ADAMTSL1: variants seen among roughly 807,000 people sequenced by gnomAD.
ADAMTSL1 encodes the protein ADAMTS-like protein 1.
In ADAMTSL1, 126 loss-of-function variants were observed where a neutral mutation model predicts 201.8. The ratio of observed to expected loss-of-function variants is 0.62; its 90% CI spans 0.54 to 0.72. ADAMTSL1 has a LOEUF of 0.72. Among genes scored for constraint, ADAMTSL1 ranks in the 30% least tolerant of loss-of-function variants. ADAMTSL1 has a pLI of 0.00. For missense variants in ADAMTSL1, 2,679 were observed against 2,277.8 expected (o/e 1.18, Z -3.59); for synonymous variants, 1,121 against 903.4 (o/e 1.24, Z -4.32).
At chr9:18,661,418 C>CA (rs1254995500) in intron 8 of ADAMTSL1, among the ~76,000 whole-genome samples, 3 of 152,108 alleles carry the variant, frequency 2.0e-5, no homozygotes, top group Non-Finnish European at 4.4e-5. Flanking sequence ...TGAATTTGGG[C>CA]AAAAATAATG....
At chr9:18,683,231 T>TTG (rs1358876076) in intron 12 of ADAMTSL1, among the ~76,000 whole-genome samples, 2 of 6,634 alleles carry the variant, frequency 3.0e-4, no homozygotes, top group South Asian at 5.7e-3. Context: ...GTTTTTTTTG[T>TTG]TTTTTTTTTT....
At chr9:18,395,516 T>G (rs1478833133) in intron 2 of ADAMTSL1, among the ~76,000 whole-genome samples, 1 of 152,170 alleles carries the variant, frequency 6.6e-6, no homozygotes, top group Non-Finnish European at 1.5e-5. Context: ...GATTTGCACT[T>G]TGTATGACAT....
chr9:18,770,496 AT>A (rs951315268), intron 16 of ADAMTSL1, 105 bp from the exon 17 acceptor site: 90 of 1,172,110 alleles, frequency 7.7e-5, no homozygotes, highest in South Asian at 1.8e-4. Context: ...CTTCTTCTGG[AT>A]TTTTTTTTCT....
intron 1 of ADAMTSL1, among the ~76,000 whole-genome samples, chr9:18,131,303 T>A (rs774244731): frequency 1.3e-5 from 2 of 152,198 alleles, no homozygotes; most frequent in Admixed American, 1.3e-4. Context: ...GACCCAAAAT[T>A]ATACCAGTAT....
rs571760414 is a variant in ADAMTSL1, at chr9:18,330,541, T to C, written c.207+166560T>C. Among the ~76,000 whole-genome samples, 129 of 152,274 alleles carry C rather than the reference T, an allele frequency of 8.5e-4. 1 individual carries two copies. Among genetic ancestry groups the C allele is most frequent in the Middle Eastern group, 3.4e-3 (1 of 294 alleles). ...CGAGGCTGATGTTATCATTCCGAGA[T>C]GAATTCTGTTGGTTCATTTGTTGTA... On this transcript the variant is annotated intron_variant, in intron 2 of 29. Coordinates refer to the ADAMTSL1 transcript ENST00000680146.
chr9:18,880,171 C>T (rs1264561355), intron 23 of ADAMTSL1, among the ~76,000 whole-genome samples: 2 of 152,152 alleles, frequency 1.3e-5, no homozygotes, highest in African/African-American at 4.8e-5. Flanking sequence ...GTTTTGAACC[C>T]CTCAAAGTCA....
intron 4 of ADAMTSL1, among the ~76,000 whole-genome samples, chr9:18,614,581 T>G (rs1189352545): frequency 1.3e-5 from 2 of 152,136 alleles, no homozygotes; most frequent in African/African-American, 4.8e-5. Flanking sequence ...CAGGTTTCCC[T>G]CCTGTCTTTC....
intron 1 of ADAMTSL1, among the ~76,000 whole-genome samples, chr9:18,496,616 G>A (rs1470080732): frequency 1.3e-5 from 2 of 152,138 alleles, no homozygotes; most frequent in Non-Finnish European, 2.9e-5. Context: ...CCTATTATCA[G>A]TTATAATTTG....
chr9:18,129,697 T>C (rs1825870683), intron 1 of ADAMTSL1, among the ~76,000 whole-genome samples: 1 of 152,100 alleles, frequency 6.6e-6, no homozygotes, highest in African/African-American at 2.4e-5. Flanking sequence ...GAAAAACAAT[T>C]TTCCTTCATA....
chr9:18,478,634 T>C (rs1020946330), intron 1 of ADAMTSL1, among the ~76,000 whole-genome samples: 3 of 152,192 alleles, frequency 2.0e-5, no homozygotes, highest in African/African-American at 7.2e-5. Flanking sequence ...GTAAGTTTAA[T>C]TGTGCCCTCC....
intron 1 of ADAMTSL1, among the ~76,000 whole-genome samples, chr9:18,015,331 A>G (rs1586898306): frequency 6.6e-6 from 1 of 152,102 alleles, no homozygotes; most frequent in Admixed American, 6.6e-5. Flanking sequence ...GGGAATTTAC[A>G]TAAAGATGGT....
intron 2 of ADAMTSL1, among the ~76,000 whole-genome samples, chr9:18,276,131 T>G (rs1223863200): frequency 6.6e-6 from 1 of 151,236 alleles, no homozygotes; most frequent in East Asian, 1.9e-4. Context: ...ATTTGCCATT[T>G]GTATATTTTT....
At chr9:18,417,526 G>T (rs1158617757) in intron 2 of ADAMTSL1, among the ~76,000 whole-genome samples, 2 of 151,774 alleles carry the variant, frequency 1.3e-5, no homozygotes, top group East Asian at 1.9e-4. Context: ...AAAGAGAGAA[G>T]AATTAAATTA....
At chr9:18,767,606 C>T (rs1214642460) in intron 16 of ADAMTSL1, among the ~76,000 whole-genome samples, 2 of 152,202 alleles carry the variant, frequency 1.3e-5, no homozygotes. Context: ...AAATGGAATT[C>T]TTAGCCACTA....
intron 1 of ADAMTSL1, among the ~76,000 whole-genome samples, chr9:18,050,695 T>A (rs1240141631): frequency 6.6e-6 from 1 of 152,174 alleles, no homozygotes; most frequent in Non-Finnish European, 1.5e-5. Flanking sequence ...CACTTTTTTG[T>A]GATGTGTCAC....
At chr9:18,796,273 A>T (rs1194306726) in intron 20 of ADAMTSL1, among the ~76,000 whole-genome samples, 1 of 152,202 alleles carries the variant, frequency 6.6e-6, no homozygotes, top group Non-Finnish European at 1.5e-5. Flanking sequence ...ACCCGAGGTC[A>T]CACAGCTGCT....
chr9:18,558,111 C>T (rs1821218230), intron 3 of ADAMTSL1, among the ~76,000 whole-genome samples: 1 of 152,016 alleles, frequency 6.6e-6, no homozygotes, highest in Admixed American at 6.6e-5. Flanking sequence ...CTGCACCCAT[C>T]AACCCATCAT....
At chr9:18,189,335 G>A (rs1261565658) in intron 2 of ADAMTSL1, among the ~76,000 whole-genome samples, 1 of 152,126 alleles carries the variant, frequency 6.6e-6, no homozygotes, top group African/African-American at 2.4e-5. Flanking sequence ...AAAACCTTAA[G>A]TATTAGATAA....
At chr9:18,894,096 A>G (rs1829463388) in intron 26 of ADAMTSL1, among the ~76,000 whole-genome samples, 1 of 152,264 alleles carries the variant, frequency 6.6e-6, no homozygotes, top group Admixed American at 6.5e-5. Context: ...GTGCAAGACC[A>G]TAAAAGGGTC....
Sources: gnomAD v4.1 joint callset for allele counts (sites outside exome capture counted in the v4.1 genomes callset) on GRCh38, gnomAD v4.1.1 for gene constraint, MANE v1.5 for transcripts, NCBI Gene and HGNC (gene_info 2026-07-23, HGNC 2026-07-21) for gene names.